The following SPATS2 variants were observed in gnomAD, a reference collection of about 807,000 sequenced individuals.
SPATS2 encodes spermatogenesis associated serine rich 2, also known as spermatogenesis-associated serine-rich protein 2.
A neutral mutation model predicts 63.7 loss-of-function variants in SPATS2; 38 were observed. The ratio of observed to expected loss-of-function variants is 0.60; its 90% confidence interval spans 0.46 to 0.78. The LOEUF (loss-of-function observed/expected upper bound fraction) is 0.78, where lower values mean the gene tolerates loss of function less well. Ranked by LOEUF, SPATS2 falls within the 30% of genes least tolerant of loss-of-function variation. The pLI, the probability that SPATS2 is intolerant of heterozygous loss-of-function variation, is 0.00. For synonymous variants in SPATS2, 207 were observed against 232.9 expected (o/e 0.89, Z 1.01); for missense variants, 588 against 666.2 (o/e 0.88, Z 1.29).
At chr12:49,435,124 G>A (rs1403500378) in intron 2 of SPATS2, among the ~76,000 whole-genome samples, 2 of 143,754 alleles carry the variant, frequency 1.4e-5, no homozygotes, top group African/African-American at 2.6e-5. Flanking sequence ...TCCTCCTCCC[G>A]GGTTCACGCC....
At chr12:49,483,034 C>T (rs1358194831) in intron 3 of SPATS2, among the ~76,000 whole-genome samples, 1 of 150,340 alleles carries the variant, frequency 6.7e-6, no homozygotes, top group African/African-American at 2.5e-5. Flanking sequence ...AGCGATCCAC[C>T]TGCCTTGGCC....
chr12:49,472,915 T>C (rs1171119893), intron 3 of SPATS2, among the ~76,000 whole-genome samples: 1 of 151,656 alleles, frequency 6.6e-6, no homozygotes, highest in South Asian at 2.1e-4. Flanking sequence ...GGCGCATGCC[T>C]GTAATCCCAC....
chr12:49,476,088 C>T lies in SPATS2; in HGVS notation c.26-8502C>T, dbSNP rs1307102772. ...GTTTTCCTGGCCAAATGTTGCATTT[C>T]CCAAGACCACCCTGGCCTGCCACGC... On this transcript the variant is annotated intron_variant, in intron 3 of 13. Coordinates refer to ENST00000552918, the MANE Select transcript of SPATS2 (RefSeq NM_023071.4). Among the ~76,000 whole-genome samples the T allele has an allele frequency of 2.6e-5, 4 of 152,080 alleles. 1 individual carries two copies. The highest frequency in any genetic ancestry group is 6.3e-3 in the Middle Eastern group (2 of 316).
chr12:49,436,882 C>T (rs574834970), intron 2 of SPATS2, among the ~76,000 whole-genome samples: 6 of 144,102 alleles, frequency 4.2e-5, no homozygotes, highest in South Asian at 4.5e-4. Flanking sequence ...ACCTCCCTCC[C>T]GGACGGGGCG....
chr12:49,476,258 G>A (rs1748219024), intron 3 of SPATS2, among the ~76,000 whole-genome samples: 1 of 152,156 alleles, frequency 6.6e-6, no homozygotes. Context: ...CACGCCAGCA[G>A]GTCACCAACC....
At chr12:49,421,416 CAAAAAAAAA>C (rs71080195) in intron 2 of SPATS2, among the ~76,000 whole-genome samples, 22 of 52,110 alleles carry the variant, frequency 4.2e-4, no homozygotes, top group African/African-American at 1.7e-3. Context: ...GACTTTGTCT[CAAAAAAAAA>C]AAAAAAAAAA....
At chr12:49,367,237 G>A (rs1650045369), upstream of SPATS2, 1 of 258,604 alleles carries the variant, frequency 3.9e-6, no homozygotes, top group Non-Finnish European at 7.3e-6. Context: ...TTGGCGCGCC[G>A]GATTCGCGCC....
At chr12:49,421,920 A>T (rs1944991274) in intron 2 of SPATS2, among the ~76,000 whole-genome samples, 1 of 152,192 alleles carries the variant, frequency 6.6e-6, no homozygotes, top group Admixed American at 6.5e-5. Context: ...AACAATAATG[A>T]TAATTTGAAG....
chr12:49,499,155 G>A (rs543740544), intron 8 of SPATS2, among the ~76,000 whole-genome samples: 2 of 152,158 alleles, frequency 1.3e-5, no homozygotes, highest in South Asian at 4.2e-4. Flanking sequence ...TGTCATTTCC[G>A]CATCTGCCTC....
intron 12 of SPATS2, among the ~76,000 whole-genome samples, chr12:49,523,491 T>C (rs1946977026): frequency 6.6e-6 from 1 of 151,986 alleles, no homozygotes; most frequent in Non-Finnish European, 1.5e-5. Context: ...AGACTGTGTC[T>C]CTAAAAAAAT....
chr12:49,389,246 A>G (rs1405714843), intron 2 of SPATS2, among the ~76,000 whole-genome samples: 2 of 152,154 alleles, frequency 1.3e-5, no homozygotes, highest in African/African-American at 4.8e-5. Context: ...GCGAGGAAGG[A>G]AATCTCGCAA....
chr12:49,474,454 T>C (rs1009948819), intron 3 of SPATS2, among the ~76,000 whole-genome samples: 1 of 152,212 alleles, frequency 6.6e-6, no homozygotes, highest in Non-Finnish European at 1.5e-5. Flanking sequence ...GATTGACCTA[T>C]TCATTTCTGT....
intron 2 of SPATS2, among the ~76,000 whole-genome samples, chr12:49,416,882 A>C (rs995419829): frequency 6.6e-6 from 1 of 152,126 alleles, no homozygotes; most frequent in African/African-American, 2.4e-5. Flanking sequence ...TTTTGATGGG[A>C]GAAGGATGAA....
At chr12:49,426,491 A>G (rs1430886715) in intron 2 of SPATS2, among the ~76,000 whole-genome samples, 1 of 152,186 alleles carries the variant, frequency 6.6e-6, no homozygotes, top group Non-Finnish European at 1.5e-5. Context: ...TTTGCTTAGC[A>G]TTGCTTTTGA....
At chr12:49,423,483 G>A (rs1021127972) in intron 2 of SPATS2, among the ~76,000 whole-genome samples, 2 of 152,118 alleles carry the variant, frequency 1.3e-5, no homozygotes, top group African/African-American at 4.8e-5. Flanking sequence ...GAATAGTTAA[G>A]TGGCTTGGTC....
chr12:49,489,378 T>C lies in SPATS2; in HGVS notation c.106-87T>C, dbSNP rs895329965. The C allele has an allele frequency of 7.6e-6, 7 of 925,636 alleles. No individual in the cohort carries two copies. The African/African-American group carries it at 1.2e-4, about 15-fold the overall frequency. The allele number at this position is 925,636 out of a possible 1,614,324, so 57.3% of individuals were successfully genotyped here. On this transcript the variant is annotated intron_variant, in intron 4 of 13. Transcript: ENST00000552918. ...GATACATATTGTTAAAAATGAAATA[T>C]CACTCTTTTCATTATTCTCTGTATA...
intron 3 of SPATS2, among the ~76,000 whole-genome samples, chr12:49,468,111 CTCTT>C (rs897743128): frequency 4.0e-4 from 58 of 146,402 alleles, no homozygotes; most frequent in East Asian, 8.0e-4. Flanking sequence ...TCTTCTTTTT[CTCTT>C]TCTTTCTTCT....
intron 3 of SPATS2, among the ~76,000 whole-genome samples, chr12:49,467,764 C>T (rs913886765): frequency 1.2e-4 from 18 of 151,986 alleles, no homozygotes; most frequent in African/African-American, 4.1e-4. Context: ...AGTGCAGTGG[C>T]GCGATCTTGG....
chr12:49,388,341 T>C (rs771761048), intron 2 of SPATS2, among the ~76,000 whole-genome samples: 3 of 152,124 alleles, frequency 2.0e-5, no homozygotes, highest in Non-Finnish European at 2.9e-5. Context: ...TTTTCATTTA[T>C]ACTTGTTTTT....
Sources: gnomAD v4.1 joint callset for allele counts (sites outside exome capture counted in the v4.1 genomes callset) on GRCh38, gnomAD v4.1.1 for gene constraint, MANE v1.5 for transcripts, NCBI Gene and HGNC (gene_info 2026-07-23, HGNC 2026-07-21) for gene names.